Variants in NME7 observed in about 807,000 individuals in gnomAD.
The protein encoded by NME7 is nucleoside diphosphate kinase 7.
Under a neutral mutation model 49.1 loss-of-function variants are expected in NME7, and 41 were observed. The ratio of observed to expected loss-of-function variants is 0.83; its 90% CI spans 0.65 to 1.08. The LOEUF (loss-of-function observed/expected upper bound fraction) is 1.08, where lower values mean the gene tolerates loss of function less well. Ranked by LOEUF, NME7 falls within the 50% of genes least tolerant of loss-of-function variation. NME7 has a pLI of 0.00. For synonymous variants in NME7, 139 were observed against 150.6 expected (o/e 0.92, Z 0.56); for missense variants, 423 against 463.4 (o/e 0.91, Z 0.80).
chr1:169,341,205 C>T (rs752931964), intron 1 of NME7, among the ~76,000 whole-genome samples: 6 of 152,146 alleles, frequency 3.9e-5, no homozygotes, highest in Non-Finnish European at 8.8e-5. Context: ...GGGCGTGACA[C>T]CCTAAGTCTC....
At chr1:169,199,844 T>C (rs1033346391) in intron 10 of NME7, among the ~76,000 whole-genome samples, 2 of 152,070 alleles carry the variant, frequency 1.3e-5, no homozygotes, top group Non-Finnish European at 2.9e-5. Flanking sequence ...ATCATTTAGT[T>C]TGATGACAAC....
chr1:169,342,343 G>A (rs543890101), intron 1 of NME7, among the ~76,000 whole-genome samples: 1 of 151,876 alleles, frequency 6.6e-6, no homozygotes, highest in East Asian at 1.9e-4. Context: ...TGGCATGATT[G>A]TAAGTTTCCT....
chr1:169,206,708 G>A lies in NME7; in HGVS notation c.990+24010C>T, dbSNP rs1315958419. 2.0e-5 allele frequency among the ~76,000 whole-genome samples: 3 copies of A among 152,064 alleles called. No individual in the cohort carries two copies. The East Asian group carries it at 5.8e-4, about 30-fold the overall frequency. On this transcript the variant is annotated intron_variant, in intron 10 of 11. Coordinates refer to ENST00000367811, the MANE Select transcript of NME7 (RefSeq NM_013330.5). The stretch of plus-strand genomic sequence containing the variant: ...AAATTATCAGAATATTTTATATTTT[G>A]TGATATAATGTACATATTTATTAAA...
chr1:169,144,368 T>A (rs577019320), intron 11 of NME7, among the ~76,000 whole-genome samples: 2 of 152,314 alleles, frequency 1.3e-5, no homozygotes, highest in East Asian at 3.9e-4. Context: ...GAATATATTA[T>A]ACAACATACA....
At chr1:169,333,480 T>C (rs1652338099) in intron 1 of NME7, among the ~76,000 whole-genome samples, 1 of 136,426 alleles carries the variant, frequency 7.3e-6, no homozygotes, top group African/African-American at 2.5e-5. Context: ...ACTGCATTGT[T>C]TGTAACAAAA....
At chr1:169,312,520 C>G (rs1017374648) in intron 3 of NME7, among the ~76,000 whole-genome samples, 1 of 152,196 alleles carries the variant, frequency 6.6e-6, no homozygotes, top group African/African-American at 2.4e-5. Flanking sequence ...ATAAAAACCA[C>G]TATTTAAGAT....
chr1:169,335,070 G>A (rs1230790803), intron 1 of NME7, among the ~76,000 whole-genome samples: 1 of 152,144 alleles, frequency 6.6e-6, no homozygotes, highest in Non-Finnish European at 1.5e-5. Context: ...AGGTGCTGGC[G>A]AGGCTGTGGA....
intron 10 of NME7, among the ~76,000 whole-genome samples, chr1:169,199,471 A>C (rs1363539836): frequency 6.8e-6 from 1 of 146,650 alleles, no homozygotes; most frequent in African/African-American, 2.5e-5. Context: ...TATTATTATT[A>C]TTATTATTAT....
intron 7 of NME7, among the ~76,000 whole-genome samples, chr1:169,251,559 T>C (rs1339723993): frequency 2.3e-5 from 3 of 127,922 alleles, no homozygotes; most frequent in Non-Finnish European, 5.3e-5. Context: ...TTTTTTTTTT[T>C]TCTTTTTTTT....
At chr1:169,141,215 C>A (rs1169802670) in intron 11 of NME7, among the ~76,000 whole-genome samples, 3 of 152,102 alleles carry the variant, frequency 2.0e-5, no homozygotes, top group Non-Finnish European at 4.4e-5. Flanking sequence ...CCAAACCAAG[C>A]CCATCTGATA....
chr1:169,204,075 T>G (rs1660616730), intron 10 of NME7, among the ~76,000 whole-genome samples: 1 of 151,846 alleles, frequency 6.6e-6, no homozygotes, highest in Admixed American at 6.6e-5. Context: ...AGTTTTGTCT[T>G]GAACTCCTGG....
intron 10 of NME7, among the ~76,000 whole-genome samples, chr1:169,199,669 A>G (rs1660494043): frequency 6.6e-6 from 1 of 151,776 alleles, no homozygotes; most frequent in African/African-American, 2.4e-5. Context: ...TATTGTCTAC[A>G]AAAATAAAAA....
intron 11 of NME7, among the ~76,000 whole-genome samples, chr1:169,143,725 C>CAGA (rs1410279668): frequency 6.6e-6 from 1 of 152,158 alleles, no homozygotes; most frequent in Non-Finnish European, 1.5e-5. Context: ...GTTTTGGCTA[C>CAGA]AGAAGTCTTC....
At chr1:169,272,050 G>C (rs182142716) in intron 7 of NME7, among the ~76,000 whole-genome samples, 1,448 of 131,846 alleles carry the variant, frequency 0.011, 169 homozygotes, top group African/African-American at 0.035. Context: ...GGTTGCCAAA[G>C]TTTATTCTGC....
chr1:169,229,886 C>T (rs940372127), intron 10 of NME7, among the ~76,000 whole-genome samples: 5 of 151,480 alleles, frequency 3.3e-5, no homozygotes, highest in South Asian at 2.1e-4. Flanking sequence ...CACTAGAGCC[C>T]GGGAGGTGGA....
In NME7 at chr1:169,222,938, T is replaced by A. The variant is rs576415154; in HGVS notation, c.990+7780A>T. On this transcript the variant is annotated intron_variant, in intron 10 of 11. Coordinates refer to ENST00000367811, the MANE Select transcript of NME7 (RefSeq NM_013330.5). Reference sequence around the variant, plus strand: ...TTACCAACAACTACAGCCTCCTATATAACCACAATACAGTCTTCATACTTA... The same window carrying A: ...TTACCAACAACTACAGCCTCCTATAAAACCACAATACAGTCTTCATACTTA... 2.6e-5 allele frequency among the ~76,000 whole-genome samples: 4 copies of A among 152,308 alleles called. No individual in the cohort carries two copies. In the South Asian group the frequency reaches 8.3e-4, roughly 32 times the overall value.
intron 6 of NME7, among the ~76,000 whole-genome samples, chr1:169,291,406 A>C (rs904284446): frequency 1.4e-4 from 22 of 152,144 alleles, no homozygotes; most frequent in African/African-American, 5.1e-4. Context: ...AAACTAACAC[A>C]GGAAGAGAAA....
intron 7 of NME7, among the ~76,000 whole-genome samples, chr1:169,269,588 G>C (rs960933919): frequency 7.5e-6 from 1 of 132,980 alleles, no homozygotes; most frequent in African/African-American, 2.5e-5. Context: ...CATCTACCAG[G>C]GCTCTTGGCT....
At chr1:169,326,248 A>G (rs1652054709) in intron 1 of NME7, among the ~76,000 whole-genome samples, 1 of 152,206 alleles carries the variant, frequency 6.6e-6, no homozygotes, top group Non-Finnish European at 1.5e-5. Context: ...CTCTATCCAG[A>G]AAAGAGTTTT....
Sources: gnomAD v4.1 joint callset for allele counts (sites outside exome capture counted in the v4.1 genomes callset) on GRCh38, gnomAD v4.1.1 for gene constraint, MANE v1.5 for transcripts, NCBI Gene and HGNC (gene_info 2026-07-23, HGNC 2026-07-21) for gene names.